Variants in RNPS1 observed in about 807,000 individuals in gnomAD.
The protein encoded by RNPS1 is RNA binding protein with serine rich domain 1, also known as RNA-binding protein with serine-rich domain 1.
For synonymous variants in RNPS1, 147 were observed against 150.0 expected (o/e 0.98, Z 0.15); for missense variants, 300 against 427.6 (o/e 0.70, Z 2.63).
At chr16:2,258,145 G>T (rs779182730) in intron 6 of RNPS1, 1 of 152,230 alleles carries the variant, frequency 6.6e-6, no homozygotes, top group African/African-American at 2.4e-5. Context: ...TATAGATTCA[G>T]TAAATCCAGT....
chr16:2,257,839 T>C (rs1047895454), intron 6 of RNPS1: 5 of 152,186 alleles, frequency 3.3e-5, no homozygotes, highest in African/African-American at 1.2e-4. Context: ...ACTTATACAG[T>C]TTGTAACAGG....
rs772578435 is a variant in RNPS1 at position 2,263,076 on chromosome 16, C to T, written c.419+20G>A. On this transcript the variant is annotated intron_variant, in intron 4 of 7. Coordinates refer to ENST00000320225, the MANE Select transcript of RNPS1 (RefSeq NM_080594.4). Reference sequence around the variant, plus strand: ...AGCCCCGAGCTTGTAAACTTTAGCTCCCAGGCGCAGGGCACTCACTTGGAG... The same window carrying T: ...AGCCCCGAGCTTGTAAACTTTAGCTTCCAGGCGCAGGGCACTCACTTGGAG... 3.1e-6 allele frequency: 5 copies of T among 1,608,660 alleles called. No homozygotes were observed. The highest frequency in any genetic ancestry group is 4.2e-6 in the Non-Finnish European group (5 of 1,177,434).
chr16:2,264,531 G>T, intron 2 of RNPS1, 42 bp downstream of exon 2: 1 of 1,593,862 alleles, frequency 6.3e-7, no homozygotes, highest in Non-Finnish European at 8.6e-7. Context: ...CTAGCAGTAA[G>T]CACCCCCAAG....
At chr16:2,266,274 C>A (rs939954646) in intron 1 of RNPS1, 1 of 985,274 alleles carries the variant, frequency 1.0e-6, no homozygotes, top group African/African-American at 1.7e-5. Flanking sequence ...CCAAGGAGGG[C>A]CGAACGCCAC....
chr16:2,258,324 C>T (rs907972130), intron 6 of RNPS1: 2 of 152,200 alleles, frequency 1.3e-5, no homozygotes, highest in Admixed American at 6.5e-5. Flanking sequence ...TGTTAATCTA[C>T]GCATATTTGC....
chr16:2,255,384 T>C (rs1244484935), intron 7 of RNPS1, among the ~76,000 whole-genome samples: 1 of 152,222 alleles, frequency 6.6e-6, no homozygotes, highest in Non-Finnish European at 1.5e-5. Context: ...GCTGTGTTGG[T>C]GCAACTCTAG....
chr16:2,257,005 G>A (rs963629448), intron 6 of RNPS1: 9 of 152,184 alleles, frequency 5.9e-5, no homozygotes, highest in Admixed American at 5.2e-4. Context: ...GCTGCATGAA[G>A]GAAATTTTAG....
rs577570481 is a variant in RNPS1 at position 2,255,449 on chromosome 16, G to A, written c.818+136C>T. 17 of 1,017,538 alleles carry A rather than the reference G, an allele frequency of 1.7e-5. No individual in the cohort carries two copies. In the South Asian group the frequency reaches 2.8e-4, roughly 17 times the overall value. 63.0% of individuals were successfully genotyped at this position (1,017,538 alleles called of 1,614,324 possible). ...TGTGGCCCTCCTGCTCTCTCCATGA[G>A]CTCTGAAGGGCTCCTGCTCTCTGCC... On this transcript the variant is annotated intron_variant, in intron 7 of 7. Transcript: ENST00000320225.
chr16:2,256,563 A>T (rs2093579426), intron 6 of RNPS1: 1 of 152,336 alleles, frequency 6.6e-6, no homozygotes, highest in Non-Finnish European at 1.5e-5. Context: ...TCTCAAGAAA[A>T]AAAAAAGAAA....
intron 3 of RNPS1, 150 bp from the exon 4 acceptor site, chr16:2,263,437 C>T (rs2093611656): frequency 2.8e-6 from 2 of 714,640 alleles, no homozygotes; most frequent in Non-Finnish European, 4.7e-6. Flanking sequence ...AAACATCACC[C>T]CCCAATCCCC....
intron 6 of RNPS1, among the ~76,000 whole-genome samples, chr16:2,261,691 T>C (rs2093603680): frequency 6.6e-6 from 1 of 152,200 alleles, no homozygotes; most frequent in Non-Finnish European, 1.5e-5. Flanking sequence ...AGCTTAGGCC[T>C]TTCCTGGGCC....
At chr16:2,261,683 C>T (rs2093603639) in intron 6 of RNPS1, among the ~76,000 whole-genome samples, 1 of 152,182 alleles carries the variant, frequency 6.6e-6, no homozygotes. Context: ...AAAAGTTTAG[C>T]TTAGGCCTTT....
At chr16:2,267,536 A>G in intron 1 of RNPS1, 1 of 1,030,602 alleles carries the variant, frequency 9.7e-7, no homozygotes, top group South Asian at 3.3e-5. Context: ...CGCGGAGTAC[A>G]CGTTTGAATT....
At chr16:2,256,084 C>A (rs1054122109) in intron 6 of RNPS1, 2 of 237,496 alleles carry the variant, frequency 8.4e-6, no homozygotes, top group African/African-American at 4.7e-5. Context: ...GAGATCGTGC[C>A]ACTACACTCC....
chr16:2,258,044 G>C (rs1341580865), intron 6 of RNPS1: 1 of 152,194 alleles, frequency 6.6e-6, no homozygotes, highest in African/African-American at 2.4e-5. Flanking sequence ...ATTCACAAGG[G>C]TCCATGTGCT....
At chr16:2,267,118 A>G (rs374610941) in intron 1 of RNPS1, 2 of 882,430 alleles carry the variant, frequency 2.3e-6, no homozygotes, top group Non-Finnish European at 2.7e-6. Context: ...GAGTAAGCGG[A>G]CGCCTTGCTG....
chr16:2,261,687 G>A (rs1199124913), intron 6 of RNPS1, among the ~76,000 whole-genome samples: 1 of 152,172 alleles, frequency 6.6e-6, no homozygotes, highest in African/African-American at 2.4e-5. Flanking sequence ...GTTTAGCTTA[G>A]GCCTTTCCTG....
At chr16:2,266,433 G>A in intron 1 of RNPS1, 2 of 980,556 alleles carry the variant, frequency 2.0e-6, no homozygotes, top group Non-Finnish European at 2.4e-6. Flanking sequence ...GGAGCCAGAG[G>A]GCCTGGGTTT....
chr16:2,264,380 C>T, intron 2 of RNPS1, 49 bp from the exon 3 acceptor site: 1 of 1,612,260 alleles, frequency 6.2e-7, no homozygotes. Context: ...TGACCAAACC[C>T]AAACAGCACA....
Sources: gnomAD v4.1 joint callset for allele counts (sites outside exome capture counted in the v4.1 genomes callset) on GRCh38, gnomAD v4.1.1 for gene constraint, MANE v1.5 for transcripts, NCBI Gene and HGNC (gene_info 2026-07-23, HGNC 2026-07-21) for gene names.